Variants in SAMD5 observed in about 807,000 individuals in gnomAD.
SAMD5 encodes the protein sterile alpha motif domain-containing protein 5.
SAMD5 carries 13 observed loss-of-function variants against 11.3 expected under a neutral mutation model. That is an observed-to-expected ratio of 1.15 (90% CI 0.75 to 1.83). The LOEUF (loss-of-function observed/expected upper bound fraction) is 1.83. SAMD5 is among the 40% of genes most tolerant of loss of function. The probability of loss-of-function intolerance (pLI) is 0.00; values close to 1 mark genes in which losing one functional copy is unlikely to be tolerated. For synonymous variants in SAMD5, 129 were observed against 111.3 expected, an observed-to-expected ratio of 1.16 and a Z score of -1.00; for missense variants, 255 against 239.1, an observed-to-expected ratio of 1.07 and a Z score of -0.44.
intron 1 of SAMD5, among the ~76,000 whole-genome samples, chr6:147,655,838 G>C (rs1790557219): frequency 6.6e-6 from 1 of 152,054 alleles, no homozygotes; most frequent in African/African-American, 2.4e-5. Context: ...AAATCATATA[G>C]GTTTACAGAA....
rs187690763 is a variant in SAMD5, at chr6:147,575,556, C to A, written c.162+66169C>A. Among the ~76,000 whole-genome samples, 3 of 152,326 alleles carry A rather than the reference C, an allele frequency of 2.0e-5. 1 individual carries two copies. Among genetic ancestry groups the A allele is most frequent in the South Asian group, 4.1e-4 (2 of 4,820 alleles). On this transcript the variant is annotated intron_variant, in intron 1 of 1. Transcript: ENST00000566741. ...TCCTGTTTTCAACTCTGGTTTCATACGTGTTAAATTTGAAAATATGTGCAT... is the reference window on the plus strand; with the variant it reads ...TCCTGTTTTCAACTCTGGTTTCATAAGTGTTAAATTTGAAAATATGTGCAT...
chr6:147,692,452 A>G (rs1183430426), intron 1 of SAMD5: 1 of 152,162 alleles, frequency 6.6e-6, no homozygotes, highest in African/African-American at 2.4e-5. Context: ...AGCTTTGTTA[A>G]ACAGAAAGGG....
chr6:147,631,558 C>T (rs1313730073), intron 1 of SAMD5, among the ~76,000 whole-genome samples: 2 of 152,116 alleles, frequency 1.3e-5, no homozygotes, highest in Non-Finnish European at 2.9e-5. Flanking sequence ...CTAGTAAAGG[C>T]CAGTCTGTTA....
At chr6:147,895,793 G>A in the SAMD5 span, among the ~76,000 whole-genome samples, 1 of 152,168 alleles carries the variant, frequency 6.6e-6, no homozygotes, top group South Asian at 2.1e-4. Context: ...GATCCCTACA[G>A]CAATCGGATT....
chr6:147,661,942 T>C lies in SAMD5; in HGVS notation c.163-75375T>C, dbSNP rs1435999415. ...CCACGCCCGGCGCGACTAAAACCGT[T>C]CTTTTAAATAAGATGCTTGCCACTT... On this transcript the variant is annotated intron_variant, in intron 1 of 1. Coordinates refer to the SAMD5 transcript ENST00000566741. Among the ~76,000 whole-genome samples the C allele has an allele frequency of 2.6e-5, 4 of 152,346 alleles. 1 individual carries two copies. The South Asian group carries it at 6.2e-4, about 24-fold the overall frequency.
chr6:147,532,796 A>C (rs1164894118), intron 1 of SAMD5, among the ~76,000 whole-genome samples: 2 of 152,176 alleles, frequency 1.3e-5, no homozygotes, highest in Non-Finnish European at 2.9e-5. Context: ...CAACATCTAC[A>C]TAGCCTTTCT....
chr6:147,826,780 A>G, the SAMD5 span, among the ~76,000 whole-genome samples: 2 of 152,118 alleles, frequency 1.3e-5, no homozygotes, highest in Non-Finnish European at 2.9e-5. Flanking sequence ...TAGGGTCATC[A>G]TTGTGGTGTT....
the SAMD5 span, among the ~76,000 whole-genome samples, chr6:147,847,720 G>T: frequency 6.6e-6 from 1 of 152,134 alleles, no homozygotes; most frequent in Non-Finnish European, 1.5e-5. Flanking sequence ...GGGCATGGTG[G>T]CACATGCCTG....
the SAMD5 span, among the ~76,000 whole-genome samples, chr6:147,931,658 A>C: frequency 1.3e-5 from 2 of 152,228 alleles, no homozygotes; most frequent in Non-Finnish European, 2.9e-5. Context: ...ATTCATATTT[A>C]ACTTACAGAA....
chr6:147,522,022 C>T (rs768840892), intron 1 of SAMD5, among the ~76,000 whole-genome samples: 23 of 152,036 alleles, frequency 1.5e-4, no homozygotes, highest in Non-Finnish European at 3.2e-4. Flanking sequence ...AATTTTCACC[C>T]ATATCTCCCA....
intron 1 of SAMD5, among the ~76,000 whole-genome samples, chr6:147,539,143 C>G (rs1259106261): frequency 6.6e-6 from 1 of 152,150 alleles, no homozygotes; most frequent in South Asian, 2.1e-4. Flanking sequence ...CAAAATTAGG[C>G]GTGCCATTTT....
the SAMD5 span, among the ~76,000 whole-genome samples, chr6:147,867,553 GGCT>G: frequency 1.3e-5 from 2 of 152,120 alleles, no homozygotes; most frequent in African/African-American, 4.8e-5. Context: ...GTCTTCCCCT[GGCT>G]GACCCTGCGT....
intron 1 of SAMD5, among the ~76,000 whole-genome samples, chr6:147,659,769 TA>T (rs1262214620): frequency 1.3e-5 from 2 of 152,184 alleles, no homozygotes; most frequent in Non-Finnish European, 2.9e-5. Context: ...TTTATAGCAT[TA>T]GGGTGTATTT....
At chr6:147,733,262 A>G (rs1791743801) in intron 1 of SAMD5, among the ~76,000 whole-genome samples, 1 of 152,206 alleles carries the variant, frequency 6.6e-6, no homozygotes, top group African/African-American at 2.4e-5. Flanking sequence ...TTAAACAGCC[A>G]GGTTTCTTCT....
chr6:147,918,503 A>C, the SAMD5 span, among the ~76,000 whole-genome samples: 1 of 152,080 alleles, frequency 6.6e-6, no homozygotes, highest in Non-Finnish European at 1.5e-5. Flanking sequence ...CAGGGCAATC[A>C]GGCAGGAGAA....
In SAMD5 at chr6:147,556,447, A is replaced by G. The variant is rs563611662; in HGVS notation, c.460-7947A>G. Among the ~76,000 whole-genome samples, 66 of 152,338 alleles carry G rather than the reference A, an allele frequency of 4.3e-4. 1 individual carries two copies. Among genetic ancestry groups the G allele is most frequent in the African/African-American group, 1.4e-3 (60 of 41,580 alleles). ...GTATTTTAAATATTTCACAGTTACAATTTAAAACACAGTACATATCAATAG... is the reference window on the plus strand; with the variant it reads ...GTATTTTAAATATTTCACAGTTACAGTTTAAAACACAGTACATATCAATAG... On this transcript the variant is annotated intron_variant, in intron 1 of 1. Transcript: ENST00000367474.
At chr6:147,726,588 T>G (rs1791633104) in intron 1 of SAMD5, among the ~76,000 whole-genome samples, 1 of 152,172 alleles carries the variant, frequency 6.6e-6, no homozygotes, top group Non-Finnish European at 1.5e-5. Flanking sequence ...TTGTTTGACT[T>G]TAGTCATCTC....
At chr6:147,702,451 T>C (rs956147192) in intron 1 of SAMD5, among the ~76,000 whole-genome samples, 4 of 152,298 alleles carry the variant, frequency 2.6e-5, no homozygotes, top group East Asian at 3.9e-4. Flanking sequence ...GGGTGACATA[T>C]GTTTGAACTG....
At chr6:147,629,677 A>G (rs970795620) in intron 1 of SAMD5, among the ~76,000 whole-genome samples, 3 of 152,194 alleles carry the variant, frequency 2.0e-5, no homozygotes, top group African/African-American at 7.2e-5. Context: ...AACAATTCTG[A>G]AACATTTACT....
Sources: allele counts gnomAD v4.1 joint callset (sites outside exome capture counted in the v4.1 genomes callset), GRCh38; gene constraint gnomAD v4.1.1; transcripts MANE v1.5; gene names NCBI Gene and HGNC (gene_info 2026-07-23, HGNC 2026-07-21).